PLEKHN1: variants seen among roughly 807,000 people sequenced by gnomAD.
PLEKHN1 encodes the protein pleckstrin homology domain containing N1.
In PLEKHN1, 68 loss-of-function variants were observed where a neutral mutation model predicts 72.8. The observed-to-expected ratio is 0.93, with a 90% CI of 0.77 to 1.14. The LOEUF (loss-of-function observed/expected upper bound fraction) is 1.14, where lower values mean the gene tolerates loss of function less well. PLEKHN1 is among the 50% of genes most tolerant of loss of function. PLEKHN1 has a pLI of 0.00. For synonymous variants in PLEKHN1, 454 were observed against 371.6 expected, an observed-to-expected ratio of 1.22 and a Z score of -2.55; for missense variants, 1,015 against 840.5, an observed-to-expected ratio of 1.21 and a Z score of -2.57.
chr1:972,146 T>G lies in PLEKHN1; in HGVS notation c.861T>G (p.Ile287Met). Residue 287 changes from isoleucine to methionine, a missense_variant, in exon 9 of 16, where the codon ATT becomes ATG. By Grantham distance (10) the Ile-to-Met change is conservative. Transcript: ENST00000379410. ...AGAAGCAGATCCGCTCCTTCCTGAT[T>G]GAAGGTAGGGCCCTGACCCTGGTTC... ...EKEKQIRSFL[I>M]EGPLINTIRV... 1 of 1,612,938 alleles carries G rather than the reference T, an allele frequency of 6.2e-7. No homozygotes were observed. Among genetic ancestry groups the G allele is most frequent in the Non-Finnish European group, 8.5e-7 (1 of 1,179,822 alleles).
Position 972,384 on chromosome 1 carries a change from C to A in PLEKHN1, c.962C>A (p.Ala321Asp), listed in dbSNP as rs1194163146. Residue 321 changes from alanine to aspartate, a missense_variant, in exon 10 of 16, where the codon GCC becomes GAC. Physicochemically the swap from Ala to Asp is moderately radical, Grantham distance 126 (BLOSUM62 -2). Coordinates refer to ENST00000379410, the MANE Select transcript of PLEKHN1 (RefSeq NM_032129.3). Reference protein sequence around the residue: ...CLRAVTHREGAPPLPGAESFP... With the variant: ...CLRAVTHREGDPPLPGAESFP... Reference sequence around the variant, plus strand: ...CGCGCTGTCACCCACAGGGAGGGGGCCCCGCCGCTGCCTGGTGCCGAGAGC... The same window carrying A: ...CGCGCTGTCACCCACAGGGAGGGGGACCCGCCGCTGCCTGGTGCCGAGAGC... The A allele has an allele frequency of 1.3e-6, 2 of 1,583,766 alleles. No individual in the cohort carries two copies. Among genetic ancestry groups the A allele is most frequent in the Admixed American group, 3.6e-5 (2 of 55,302 alleles).
chr1:973,574 T>C lies in PLEKHN1; in HGVS notation c.1368T>C (p.Tyr456=), dbSNP rs1643453712. 1.2e-6 allele frequency: 2 copies of C among 1,613,184 alleles called. No individual in the cohort carries two copies. Among genetic ancestry groups the C allele is most frequent in the Non-Finnish European group, 1.7e-6 (2 of 1,179,952 alleles). ...HTSETSHSPL[Y]ADPYTPPATS... ...CGGAAACATCACACTCGCCCCTCTA[T>C]GCCGACCCCTACACACCACCCGCCA... The change falls in exon 13 of 16, where the codon TAT becomes TAC. Residue 456 remains tyrosine (Y), a synonymous_variant. Coordinates refer to ENST00000379410, the MANE Select transcript of PLEKHN1 (RefSeq NM_032129.3).
chr1:966,555 TCAGGCCCCCAGGAGGCTC>T lies in PLEKHN1; in HGVS notation c.26_43del (p.Gln9_Leu14del). 6.2e-7 allele frequency: 1 copy of T among 1,610,154 alleles called. No homozygotes were observed. The highest frequency in any genetic ancestry group is 1.3e-5 in the African/African-American group (1 of 74,972). On this transcript the variant is annotated inframe_deletion, in exon 1 of 16. Transcript: ENST00000379410. ...CCATGGGGAACAGCCACTGTGTCCCTCAGGCCCCCAGGAGGCTCCGGGCCTCCTTCTCCAGAAAGCCCT... is the reference window on the plus strand; with the variant it reads ...CCATGGGGAACAGCCACTGTGTCCCTCGGGCCTCCTTCTCCAGAAAGCCCT...
chr1:973,122 C>G, intron 11 of PLEKHN1, 64 bp from the exon 12 acceptor site: 1 of 1,498,432 alleles, frequency 6.7e-7, no homozygotes, highest in South Asian at 1.3e-5. Context: ...CCCCTTGCAG[C>G]CTCAGAGAGT....
chr1:972,283 G>A lies in PLEKHN1; in HGVS notation c.866-5G>A, dbSNP rs766873091. ...CGCCAGCCCCTCACAGCATCTGTAT[G>A]CCAGGCCCCCTCATCAACACCATCC... On this transcript the variant is annotated splice_polypyrimidine_tract_variant and splice_region_variant and intron_variant, in intron 9 of 15. Transcript: ENST00000379410. 4.3e-6 allele frequency: 7 copies of A among 1,610,120 alleles called. No homozygotes were observed. In the Admixed American group the frequency reaches 1.2e-4, roughly 27 times the overall value.
In PLEKHN1 at chr1:970,644, C is replaced by T. The variant is rs1217105399; in HGVS notation, c.412-42C>T. 1.2e-6 allele frequency: 2 copies of T among 1,603,074 alleles called. No individual in the cohort carries two copies. The highest frequency in any genetic ancestry group is 1.3e-5 in the African/African-American group (1 of 74,824). On this transcript the variant is annotated intron_variant, in intron 4 of 15. Transcript: ENST00000379410. The surrounding 1 kb of genome is among the most constrained non-coding windows in gnomAD (Gnocchi z 4.2). ...GGGGTGGGGCCATGGCCGCCCTTCC[C>T]TCCATGGATCCCTGAAGCTCCTCCT...
At chr1:973,369 C>G in intron 12 of PLEKHN1, 43 bp downstream of exon 12, 1 of 1,553,454 alleles carries the variant, frequency 6.4e-7, no homozygotes, top group Non-Finnish European at 8.7e-7. Flanking sequence ...TGGTTCCCAC[C>G]GTTCCGCACC....
chr1:969,759 TTGTG>T (rs539032589), intron 2 of PLEKHN1, among the ~76,000 whole-genome samples: 8 of 151,462 alleles, frequency 5.3e-5, no homozygotes, highest in East Asian at 1.9e-4. Context: ...TATGTGTCTA[TTGTG>T]TGTGTATGCA....
rs376060591 is a variant in PLEKHN1 at position 966,527 on chromosome 1, T to C, written c.-5T>C. On this transcript the variant is annotated 5_prime_UTR_variant, in exon 1 of 16. Coordinates refer to ENST00000379410, the MANE Select transcript of PLEKHN1 (RefSeq NM_032129.3). ...CCAGACTTGCCGACCTGTACGACTC[T>C]GGCCATGGGGAACAGCCACTGTGTC... is the stretch of plus-strand genomic sequence containing the variant. 1.2e-5 allele frequency: 19 copies of C among 1,602,290 alleles called. No individual in the cohort carries two copies. The African/African-American group carries it at 2.1e-4, about 18-fold the overall frequency.
chr1:968,122 T>C (rs920067726), intron 2 of PLEKHN1, among the ~76,000 whole-genome samples: 5 of 152,230 alleles, frequency 3.3e-5, no homozygotes, highest in Non-Finnish European at 7.3e-5. Flanking sequence ...TCCTGGTCTG[T>C]GGCCTATTTT....
intron 9 of PLEKHN1, 65 bp downstream of exon 9, chr1:972,215 G>A: frequency 1.2e-6 from 2 of 1,602,242 alleles, no homozygotes; most frequent in South Asian, 2.2e-5. Flanking sequence ...GAGCCTGGGG[G>A]ACGCCCGACT....
rs193194073 is a variant in PLEKHN1 at position 969,609 on chromosome 1, T to G, written c.184-668T>G. On this transcript the variant is annotated intron_variant, in intron 2 of 15. Coordinates refer to ENST00000379410, the MANE Select transcript of PLEKHN1 (RefSeq NM_032129.3). ...GTGGATATGTATGCATGTATGCACG[T>G]GTGTGCATATCTGTGTATGTGCAAC... 8.9e-3 allele frequency among the ~76,000 whole-genome samples: 1,353 copies of G among 152,064 alleles called. 9 individuals are homozygous for G. Among genetic ancestry groups the G allele is most frequent in the Middle Eastern group, 0.014 (4 of 294 alleles).
chr1:967,217 G>A (rs1482205747), intron 2 of PLEKHN1, among the ~76,000 whole-genome samples: 1 of 152,218 alleles, frequency 6.6e-6, no homozygotes, highest in Admixed American at 6.5e-5. Context: ...GTGTCCCGCA[G>A]GAAGTTGCCG....
rs942881847 is a variant in PLEKHN1 at position 972,022 on chromosome 1, G to A, written c.790-53G>A. ...GCAAGAGGGTGGGATGAGGCCAGGC[G>A]GGGCCCCGGGGCTGCCCCTACAAAG... On this transcript the variant is annotated intron_variant, in intron 8 of 15. Transcript: ENST00000379410. 139 of 1,560,946 alleles carry A rather than the reference G, an allele frequency of 8.9e-5. 1 individual carries two copies. The highest frequency in any genetic ancestry group is 5.0e-4 in the South Asian group (43 of 86,802).
chr1:971,824 T>C, intron 8 of PLEKHN1, among the ~76,000 whole-genome samples: 1 of 152,218 alleles, frequency 6.6e-6, no homozygotes. Flanking sequence ...GCCCAACTTC[T>C]TCTCTGGGGA....
Position 970,231 on chromosome 1 carries a change from G to A in PLEKHN1, c.184-46G>A. ...CTGTGTGGATGCGAGCGGAGGGGGT[G>A]GGGGGCCCAGGGGAGGCCCCCTCCC... On this transcript the variant is annotated intron_variant, in intron 2 of 15. Coordinates refer to ENST00000379410, the MANE Select transcript of PLEKHN1 (RefSeq NM_032129.3). This position sits in a 1 kb window ranked among gnomAD's most constrained non-coding sequence, Gnocchi z 4.2. 2 of 1,594,306 alleles carry A rather than the reference G, an allele frequency of 1.3e-6. No individual in the cohort carries two copies. The highest frequency in any genetic ancestry group is 2.2e-5 in the East Asian group (1 of 44,672).
At position 973,294 on chromosome 1, in the gene PLEKHN1, C is replaced by G; in HGVS notation, c.1261C>G (p.Pro421Ala). The G allele has an allele frequency of 6.5e-7, 1 of 1,545,048 alleles. No individual in the cohort carries two copies. The highest frequency in any genetic ancestry group is 1.4e-5 in the African/African-American group (1 of 73,212). The change falls in exon 12 of 16, where the codon CCT becomes GCT. Residue 421 changes from proline to alanine, a missense_variant. Pro to Ala is a conservative substitution (Grantham distance 27, BLOSUM62 -1). Coordinates refer to ENST00000379410, the MANE Select transcript of PLEKHN1 (RefSeq NM_032129.3). Reference sequence around the variant, plus strand: ...CAAGGCCCGGGCAGAGGGCCGCGGCCCTGTCACCCCACTGCACCTGGACCT... The same window carrying G: ...CAAGGCCCGGGCAGAGGGCCGCGGCGCTGTCACCCCACTGCACCTGGACCT... ...GSKARAEGRGPVTPLHLDLTQ... is the reference protein window; with the variant it reads ...GSKARAEGRGAVTPLHLDLTQ...
chr1:974,003 G>A lies in PLEKHN1; in HGVS notation c.1605G>A (p.Arg535=), dbSNP rs546644088. The stretch of plus-strand genomic sequence containing the variant: ...AGTCCAGAGCCGCTCAGAGACACCG[G>A]GGCTCAGCCAAGGATGGGGGGCCGC... ...ALQSRAAQRH[R]GSAKDGGPQP... is the part of the protein sequence containing the mutation. Residue 535 remains arginine, a synonymous_variant, in exon 14 of 16, where the codon CGG becomes CGA. Coordinates refer to ENST00000379410, the MANE Select transcript of PLEKHN1 (RefSeq NM_032129.3). The A allele has an allele frequency of 1.2e-5, 19 of 1,604,788 alleles. No homozygotes were observed. The highest frequency in any genetic ancestry group is 1.6e-5 in the Non-Finnish European group (19 of 1,177,996).
At chr1:974,160 G>C in intron 14 of PLEKHN1, 109 bp downstream of exon 14, 1 of 1,489,594 alleles carries the variant, frequency 6.7e-7, no homozygotes, top group Non-Finnish European at 9.2e-7. Context: ...AGGAGGACGG[G>C]GGCAGATGGA....
Sources: allele counts gnomAD v4.1 joint callset (sites outside exome capture counted in the v4.1 genomes callset), GRCh38; gene constraint gnomAD v4.1.1; non-coding constraint Gnocchi (gnomAD v3.1); transcripts MANE v1.5; gene names NCBI Gene and HGNC (gene_info 2026-07-23, HGNC 2026-07-21).